The following PRELID2 variants were observed in gnomAD, a reference collection of about 807,000 sequenced individuals.
The protein encoded by PRELID2 is PRELI domain containing 2.
In PRELID2, 25 loss-of-function variants were observed where a neutral mutation model predicts 28.4. The ratio of observed to expected loss-of-function variants is 0.88; its 90% confidence interval spans 0.64 to 1.23. PRELID2 has a LOEUF of 1.23. PRELID2 is among the 50% of genes most tolerant of loss of function. PRELID2 has a pLI of 0.00. For missense variants in PRELID2, 201 were observed against 214.4 expected (o/e 0.94, Z 0.39); for synonymous variants, 76 against 71.6 (o/e 1.06, Z -0.31).
At chr5:145,516,840 T>A (rs974031151) in intron 1 of PRELID2, among the ~76,000 whole-genome samples, 5 of 152,150 alleles carry the variant, frequency 3.3e-5, no homozygotes, top group Non-Finnish European at 1.5e-5. Flanking sequence ...GCCACACATC[T>A]ACACCCATCT....
In PRELID2 at chr5:145,501,129, C is replaced by A. The variant is rs142318503; in HGVS notation, n.71-27814G>T. Among the ~76,000 whole-genome samples, 1,150 of 152,222 alleles carry A rather than the reference C, an allele frequency of 7.6e-3. 19 individuals are homozygous for A. The highest frequency in any genetic ancestry group is 0.026 in the African/African-American group (1,083 of 41,532). On this transcript the variant is annotated intron_variant and non_coding_transcript_variant, in intron 1 of 2. Coordinates refer to the PRELID2 transcript ENST00000510259. ...AGCCAAACTCATAGTCCAGGCCACC[C>A]CACCATCAATTCAACTGAAGAAGGA...
chr5:145,520,706 AATT>A (rs1314143205), intron 1 of PRELID2, among the ~76,000 whole-genome samples: 1 of 152,172 alleles, frequency 6.6e-6, no homozygotes, highest in Non-Finnish European at 1.5e-5. Context: ...GTAATTAATT[AATT>A]ATTAACTGTA....
At chr5:145,796,295 T>C (rs1335924802) in intron 5 of PRELID2, 147 bp downstream of exon 5, 1 of 449,534 alleles carries the variant, frequency 2.2e-6, no homozygotes, top group African/African-American at 2.0e-5. Flanking sequence ...TATGTAATAA[T>C]TTTGAGGTTG....
At chr5:145,291,503 G>A in the PRELID2 span, among the ~76,000 whole-genome samples, 2 of 152,014 alleles carry the variant, frequency 1.3e-5, no homozygotes, top group African/African-American at 4.8e-5. Flanking sequence ...AGCGAGGATA[G>A]GACTGCCAAC....
chr5:145,810,768 T>C (rs1045301142), intron 4 of PRELID2, among the ~76,000 whole-genome samples: 1 of 152,170 alleles, frequency 6.6e-6, no homozygotes, highest in Non-Finnish European at 1.5e-5. Context: ...TACGACTTCA[T>C]TTAATTCATA....
chr5:145,600,070 A>T (rs1445852539), intron 1 of PRELID2, among the ~76,000 whole-genome samples: 2 of 151,190 alleles, frequency 1.3e-5, no homozygotes, highest in African/African-American at 2.4e-5. Context: ...TGACATTTTT[A>T]AAAGTTGTTA....
intron 1 of PRELID2, among the ~76,000 whole-genome samples, chr5:145,603,129 A>G (rs990163367): frequency 2.7e-5 from 4 of 149,846 alleles, no homozygotes; most frequent in South Asian, 2.1e-4. Context: ...CCTCACATAC[A>G]TGTAATTGGA....
chr5:145,771,642 G>T (rs1758113663), intron 5 of PRELID2, among the ~76,000 whole-genome samples: 1 of 151,940 alleles, frequency 6.6e-6, no homozygotes, highest in Non-Finnish European at 1.5e-5. Context: ...GATCACCTGA[G>T]GTCAGGAGTT....
At chr5:145,282,710 G>A in the PRELID2 span, among the ~76,000 whole-genome samples, 1 of 151,824 alleles carries the variant, frequency 6.6e-6, no homozygotes, top group Non-Finnish European at 1.5e-5. Context: ...GTAGAGACAG[G>A]GTTTCACCAT....
chr5:145,783,744 A>C (rs1239749259), intron 5 of PRELID2, among the ~76,000 whole-genome samples: 1 of 152,218 alleles, frequency 6.6e-6, no homozygotes, highest in African/African-American at 2.4e-5. Context: ...AGGAAATGCA[A>C]GTCTCCGATA....
At chr5:145,330,788 A>G in the PRELID2 span, among the ~76,000 whole-genome samples, 1 of 151,900 alleles carries the variant, frequency 6.6e-6, no homozygotes, top group African/African-American at 2.4e-5. Context: ...TTCTGCTCCA[A>G]TCTTAGTTAT....
intron 5 of PRELID2, among the ~76,000 whole-genome samples, chr5:145,775,565 A>C (rs189251782): frequency 6.6e-6 from 1 of 152,356 alleles, no homozygotes; most frequent in East Asian, 1.9e-4. Flanking sequence ...TGCACTCTGG[A>C]GAAGCCAGAA....
the PRELID2 span, among the ~76,000 whole-genome samples, chr5:145,368,208 G>C: frequency 6.6e-6 from 1 of 151,898 alleles, no homozygotes; most frequent in Non-Finnish European, 1.5e-5. Context: ...TCAATGCCTA[G>C]AATGTACATG....
At chr5:145,589,646 A>G (rs1753201603) in intron 1 of PRELID2, among the ~76,000 whole-genome samples, 1 of 152,068 alleles carries the variant, frequency 6.6e-6, no homozygotes, top group South Asian at 2.1e-4. Flanking sequence ...TTGTAGCCTC[A>G]GTGCTTTTCT....
At chr5:145,334,358 C>T in the PRELID2 span, among the ~76,000 whole-genome samples, 1 of 152,128 alleles carries the variant, frequency 6.6e-6, no homozygotes. Flanking sequence ...TTTTAATTCT[C>T]CCCCTCCAAA....
the PRELID2 span, among the ~76,000 whole-genome samples, chr5:145,343,359 A>G: frequency 1.3e-3 from 201 of 152,108 alleles, 1 homozygote; most frequent in South Asian, 0.028. Flanking sequence ...CTGTAAATCA[A>G]TACCAAGAGG....
At chr5:145,657,773 T>G (rs1046433903) in intron 1 of PRELID2, among the ~76,000 whole-genome samples, 1 of 152,188 alleles carries the variant, frequency 6.6e-6, no homozygotes, top group African/African-American at 2.4e-5. Context: ...ATGTTGACTC[T>G]GCCTCAGGGA....
intron 1 of PRELID2, among the ~76,000 whole-genome samples, chr5:145,491,343 A>C (rs1357524993): frequency 6.6e-6 from 1 of 152,076 alleles, no homozygotes; most frequent in African/African-American, 2.4e-5. Context: ...ATATCAGGGC[A>C]CTAGTCCCAG....
chr5:145,722,445 G>A (rs973607146), intron 1 of PRELID2, among the ~76,000 whole-genome samples: 4 of 151,834 alleles, frequency 2.6e-5, no homozygotes, highest in African/African-American at 7.3e-5. Flanking sequence ...GATTACAGGC[G>A]TGTGCCACCA....
Sources: allele counts gnomAD v4.1 joint callset (sites outside exome capture counted in the v4.1 genomes callset), GRCh38; gene constraint gnomAD v4.1.1; transcripts MANE v1.5; gene names NCBI Gene and HGNC (gene_info 2026-07-23, HGNC 2026-07-21).